Variants in MAST4 observed in about 807,000 individuals in gnomAD.
MAST4 encodes microtubule associated serine/threonine kinase family member 4, also known as microtubule-associated serine/threonine-protein kinase 4.
MAST4 carries 89 observed loss-of-function variants against 162.7 expected under a neutral mutation model. That is an observed-to-expected ratio of 0.55 (90% CI 0.46 to 0.65). The LOEUF (loss-of-function observed/expected upper bound fraction) is 0.65, where lower values mean the gene tolerates loss of function less well. MAST4 is among the 30% of genes least tolerant of loss of function. The pLI, the probability that MAST4 is intolerant of heterozygous loss-of-function variation, is 0.00. For synonymous variants in MAST4, 1,479 were observed against 1,361.1 expected (o/e 1.09, Z -1.91); for missense variants, 3,153 against 3,374.0 (o/e 0.93, Z 1.62).
At chr5:66,974,432 G>C (rs553467088) in intron 4 of MAST4, among the ~76,000 whole-genome samples, 1 of 152,202 alleles carries the variant, frequency 6.6e-6, no homozygotes, top group East Asian at 1.9e-4. Context: ...AGATGAATCA[G>C]ACTGACTGCA....
intron 2 of MAST4, among the ~76,000 whole-genome samples, chr5:66,766,678 G>C (rs1380598098): frequency 6.6e-6 from 1 of 152,098 alleles, no homozygotes; most frequent in East Asian, 1.9e-4. Flanking sequence ...AAATAATTCA[G>C]ATTAAAGATA....
intron 10 of MAST4, among the ~76,000 whole-genome samples, chr5:67,105,364 A>G (rs1441392009): frequency 6.6e-6 from 1 of 152,224 alleles, no homozygotes; most frequent in Non-Finnish European, 1.5e-5. Flanking sequence ...CAGAAAACTG[A>G]AGGAAAATAT....
intron 4 of MAST4, among the ~76,000 whole-genome samples, chr5:66,958,711 A>G (rs1014142137): frequency 8.5e-5 from 13 of 152,144 alleles, no homozygotes; most frequent in Non-Finnish European, 1.5e-4. Context: ...TTCCTCATTT[A>G]TTTCTTGGGG....
At chr5:67,111,482 G>T (rs1456019606) in intron 11 of MAST4, among the ~76,000 whole-genome samples, 2 of 152,024 alleles carry the variant, frequency 1.3e-5, no homozygotes, top group African/African-American at 2.4e-5. Flanking sequence ...AGGACCCTTA[G>T]AATCATAGAA....
At chr5:66,826,862 T>G (rs866470936) in intron 3 of MAST4, among the ~76,000 whole-genome samples, 1 of 152,230 alleles carries the variant, frequency 6.6e-6, no homozygotes, top group South Asian at 2.1e-4. Flanking sequence ...TATTCGGAGC[T>G]GCTGCCAAGG....
intron 3 of MAST4, among the ~76,000 whole-genome samples, chr5:66,849,356 G>A (rs925894468): frequency 7.9e-5 from 12 of 152,064 alleles, no homozygotes; most frequent in African/African-American, 2.2e-4. Flanking sequence ...GAGTCTCTCC[G>A]TTTGTTGGCT....
chr5:67,141,279 A>G (rs1770379378), intron 19 of MAST4, among the ~76,000 whole-genome samples: 1 of 152,112 alleles, frequency 6.6e-6, no homozygotes, highest in Admixed American at 6.6e-5. Flanking sequence ...CTCTTCTTAG[A>G]GTTTTTTCAG....
chr5:66,894,068 A>G (rs1158162451), intron 3 of MAST4, among the ~76,000 whole-genome samples: 2 of 152,280 alleles, frequency 1.3e-5, no homozygotes, highest in East Asian at 3.9e-4. Flanking sequence ...CTTGCCTCAC[A>G]CTGCTTCCCA....
In MAST4 at chr5:67,029,349, G is replaced by A. The variant is rs184088850; in HGVS notation, c.675-25055G>A. 3.9e-5 allele frequency among the ~76,000 whole-genome samples: 6 copies of A among 152,190 alleles called. No individual in the cohort carries two copies. In the East Asian group the frequency reaches 1.2e-3, roughly 29 times the overall value. Reference sequence around the variant, plus strand: ...TAAAAGTGTTTTCTAGGAAAGACAAGCCATAGAGCCATCCTTATACTTATG... The same window carrying A: ...TAAAAGTGTTTTCTAGGAAAGACAAACCATAGAGCCATCCTTATACTTATG... On this transcript the variant is annotated intron_variant, in intron 4 of 28. Transcript: ENST00000403625.
At chr5:66,632,853 T>C (rs1461582652) in intron 1 of MAST4, among the ~76,000 whole-genome samples, 1 of 152,224 alleles carries the variant, frequency 6.6e-6, no homozygotes, top group East Asian at 1.9e-4. Context: ...CATATTTGTA[T>C]AGATAAAACA....
intron 1 of MAST4, among the ~76,000 whole-genome samples, chr5:66,631,561 C>A (rs905245256): frequency 3.9e-5 from 6 of 152,098 alleles, no homozygotes; most frequent in African/African-American, 1.2e-4. Flanking sequence ...TTACGTAATG[C>A]CTTTTGTGCG....
chr5:67,130,100 C>T (rs1768781109), intron 14 of MAST4, 110 bp from the exon 15 acceptor site: 2 of 956,664 alleles, frequency 2.1e-6, no homozygotes, highest in Admixed American at 2.5e-5. Flanking sequence ...CTACATTCCA[C>T]CTGCTGTGAG....
intron 4 of MAST4, among the ~76,000 whole-genome samples, chr5:66,915,534 C>T (rs567878628): frequency 2.6e-5 from 4 of 152,120 alleles, no homozygotes; most frequent in Non-Finnish European, 4.4e-5. Context: ...AACTAGTGTA[C>T]TTAAGAAAAT....
At chr5:66,662,910 G>T in intron 1 of MAST4, 1 of 152,212 alleles carries the variant, frequency 6.6e-6, no homozygotes. Flanking sequence ...GCTCAACCTT[G>T]GCTCACTGCA....
intron 1 of MAST4, among the ~76,000 whole-genome samples, chr5:66,688,083 A>G (rs1210367293): frequency 6.6e-6 from 1 of 152,206 alleles, no homozygotes; most frequent in African/African-American, 2.4e-5. Context: ...TGGTTTGGAC[A>G]GTAATATGGA....
chr5:67,059,254 CT>C (rs1164978714), intron 5 of MAST4, among the ~76,000 whole-genome samples: 1 of 152,194 alleles, frequency 6.6e-6, no homozygotes, highest in Non-Finnish European at 1.5e-5. Flanking sequence ...TCAAATCTGA[CT>C]GCTGCTCCTT....
intron 1 of MAST4, among the ~76,000 whole-genome samples, chr5:66,652,887 A>G (rs953548853): frequency 6.6e-6 from 1 of 152,156 alleles, no homozygotes; most frequent in African/African-American, 2.4e-5. Flanking sequence ...GCTTCTCCCC[A>G]CTAAGTACCA....
chr5:66,682,791 T>C (rs1448327594), intron 1 of MAST4, among the ~76,000 whole-genome samples: 2 of 152,236 alleles, frequency 1.3e-5, no homozygotes, highest in African/African-American at 4.8e-5. Context: ...TTGCCCAGAC[T>C]GACCTCAAAC....
chr5:67,017,578 A>C (rs934196858), intron 4 of MAST4, among the ~76,000 whole-genome samples: 2 of 151,384 alleles, frequency 1.3e-5, no homozygotes, highest in African/African-American at 2.4e-5. Flanking sequence ...AAAGATATAG[A>C]GTATTTCTTT....
Sources: gnomAD v4.1 joint callset for allele counts (sites outside exome capture counted in the v4.1 genomes callset) on GRCh38, gnomAD v4.1.1 for gene constraint, MANE v1.5 for transcripts, NCBI Gene and HGNC (gene_info 2026-07-23, HGNC 2026-07-21) for gene names.